SLC39A5: variants seen among roughly 807,000 people sequenced by gnomAD.
SLC39A5 encodes zinc transporter ZIP5.
Under a neutral mutation model 46.9 loss-of-function variants are expected in SLC39A5, and 42 were observed. The ratio of observed to expected loss-of-function variants is 0.90; its 90% CI spans 0.70 to 1.16. SLC39A5 has a LOEUF of 1.16. Ranked by LOEUF, SLC39A5 falls within the 50% of genes most tolerant of loss-of-function variation. The pLI is 0.00. For synonymous variants in SLC39A5, 311 were observed against 323.1 expected (o/e 0.96, Z 0.40); for missense variants, 677 against 686.8 (o/e 0.99, Z 0.16).
chr12:56,235,041 G>C, intron 6 of SLC39A5, 55 bp downstream of exon 6: 1 of 1,603,690 alleles, frequency 6.2e-7, no homozygotes, highest in Admixed American at 1.7e-5. Flanking sequence ...TGGGGCCCAT[G>C]CCAAAAAGGA....
chr12:56,235,881 A>G, intron 8 of SLC39A5, 181 bp downstream of exon 8: 1 of 715,126 alleles, frequency 1.4e-6, no homozygotes, highest in Admixed American at 2.9e-5. Flanking sequence ...TGTCTCTACT[A>G]AAAATACAAA....
chr12:56,236,036 C>T (rs1870726689), intron 8 of SLC39A5, among the ~76,000 whole-genome samples: 1 of 152,026 alleles, frequency 6.6e-6, no homozygotes, highest in South Asian at 2.1e-4. Flanking sequence ...AGCGAGACTC[C>T]ATCTCAAAAA....
rs1258412575 is a variant in SLC39A5, at chr12:56,234,861, T to C, written c.509T>C (p.Leu170Ser). 3.1e-6 allele frequency: 5 copies of C among 1,613,746 alleles called. No homozygotes were observed. In the East Asian group the frequency reaches 8.9e-5, roughly 29 times the overall value. ...NGSQLLVNFG[L>S]SPAAPLTPRQ... ...TCCCAGCTGCTGGTCAATTTTGGCT[T>C]GAGCCCCGCTGCTCCTCTGACCCCT... is the stretch of plus-strand genomic sequence containing the variant. Residue 170 changes from leucine to serine, a missense_variant, in exon 6 of 13, where the codon TTG becomes TCG. By Grantham distance (145) the Leu-to-Ser change is moderately radical (BLOSUM62 -2). Transcript: ENST00000454355.
In SLC39A5 at chr12:56,237,230, T is replaced by A. The variant is rs143219697; in HGVS notation, c.1369T>A (p.Leu457Met). ...LLSLVSGALG[L>M]GGAVLGVGLS... is the part of the protein sequence containing the mutation. Reference sequence around the variant, plus strand: ...GAGCCTCGTGTCTGGAGCCCTGGGATTGGGGGGTGCAGTCCTGGGGGTGGG... The same window carrying A: ...GAGCCTCGTGTCTGGAGCCCTGGGAATGGGGGGTGCAGTCCTGGGGGTGGG... The change falls in exon 12 of 13, where the codon TTG (leucine) becomes ATG (methionine). Residue 457 changes from leucine (L) to methionine (M), a missense_variant. Leu to Met is a conservative substitution (Grantham distance 15). Coordinates refer to ENST00000454355, the MANE Select transcript of SLC39A5 (RefSeq NM_173596.3). The A allele has an allele frequency of 6.2e-7, 1 of 1,613,664 alleles. No individual in the cohort carries two copies. Among genetic ancestry groups the A allele is most frequent in the Admixed American group, 1.7e-5 (1 of 59,990 alleles).
At position 56,237,020 on chromosome 12, in the gene SLC39A5, G is replaced by A. The variant is rs754485689; in HGVS notation, c.1288+9G>A. 4 of 1,613,942 alleles carry A rather than the reference G, an allele frequency of 2.5e-6. No individual in the cohort carries two copies. Among genetic ancestry groups the A allele is most frequent in the Admixed American group, 1.7e-5 (1 of 59,990 alleles). On this transcript the variant is annotated intron_variant, in intron 11 of 12. Coordinates refer to ENST00000454355, the MANE Select transcript of SLC39A5 (RefSeq NM_173596.3). ...GCTGCCCCACGAACTGGGTAGGAATGGCAGGAGCAGGGTGGGGTGGACTCC... is the reference window on the plus strand; with the variant it reads ...GCTGCCCCACGAACTGGGTAGGAATAGCAGGAGCAGGGTGGGGTGGACTCC...
chr12:56,231,645 C>T, intron 4 of SLC39A5, 84 bp downstream of exon 4: 1 of 1,395,718 alleles, frequency 7.2e-7, no homozygotes, highest in Non-Finnish European at 9.6e-7. Context: ...TTCTGGCTTC[C>T]TCACGAGATC....
Position 56,236,733 on chromosome 12 carries a change from T to A in SLC39A5, c.1194T>A (p.Asp398Glu). 1 of 1,602,424 alleles carries A rather than the reference T, an allele frequency of 6.2e-7. No homozygotes were observed. Among genetic ancestry groups the A allele is most frequent in the African/African-American group, 1.3e-5 (1 of 74,806 alleles). The change falls in exon 10 of 13, where the codon GAT becomes GAA. Residue 398 changes from aspartate to glutamate, a missense_variant. By Grantham distance (45) the Asp-to-Glu change is conservative. Coordinates refer to ENST00000454355, the MANE Select transcript of SLC39A5 (RefSeq NM_173596.3). ...GAGATGGTCTACACAACCTCACTGA[T>A]GGGCTGGCCATAGGTGTGAGGGGTG... ...LLGDGLHNLT[D>E]GLAIGAAFSD...
At chr12:56,234,730 G>T in intron 5 of SLC39A5, 94 bp from the exon 6 acceptor site, 1 of 1,407,560 alleles carries the variant, frequency 7.1e-7, no homozygotes, top group Non-Finnish European at 9.9e-7. Context: ...CAAGGGCTGG[G>T]ATTATAGGTG....
At chr12:56,231,146 C>T in intron 3 of SLC39A5, 58 bp from the exon 4 acceptor site, 1 of 1,053,132 alleles carries the variant, frequency 9.5e-7, no homozygotes. Flanking sequence ...CTCTGGCTCC[C>T]CCATGGACCT....
rs994144238 is a variant in SLC39A5 at position 56,236,511 on chromosome 12, T to C, written c.1042+19T>C. 4 of 1,614,052 alleles carry C rather than the reference T, an allele frequency of 2.5e-6. No individual in the cohort carries two copies. The African/African-American group carries it at 4.0e-5, about 16-fold the overall frequency. ...GCTCCAGGTGACTAGAGGAGAAAAT[T>C]TGAAGAGTAGGTTCCAAGCTCACAG... On this transcript the variant is annotated intron_variant, in intron 9 of 12. Coordinates refer to ENST00000454355, the MANE Select transcript of SLC39A5 (RefSeq NM_173596.3).
At position 56,237,753 on chromosome 12, in the gene SLC39A5, G is replaced by A. The variant is rs1051278495; in HGVS notation, c.*22G>A. ...CTGATGGGGCCAGTGGAAAGGGGTCGGGTTGCCCTTCCTTCCCCCCAACCA... is the reference window on the plus strand; with the variant it reads ...CTGATGGGGCCAGTGGAAAGGGGTCAGGTTGCCCTTCCTTCCCCCCAACCA... On this transcript the variant is annotated 3_prime_UTR_variant, in exon 13 of 13. Coordinates refer to ENST00000454355, the MANE Select transcript of SLC39A5 (RefSeq NM_173596.3). 1.9e-5 allele frequency: 28 copies of A among 1,511,996 alleles called. No individual in the cohort carries two copies. The highest frequency in any genetic ancestry group is 4.0e-5 in the South Asian group (3 of 75,432). The allele number at this position is 1,511,996 out of a possible 1,614,324, so 93.7% of individuals were successfully genotyped here.
Position 56,235,545 on chromosome 12 carries a change from C to A in SLC39A5, c.805-15C>A, listed in dbSNP as rs1565601016. ...TAGGGGCTTCCAGAGTCTGCCCTGA[C>A]CTTCTCTCTGTCAGGCACAAGAAGG... On this transcript the variant is annotated splice_polypyrimidine_tract_variant and intron_variant, in intron 7 of 12. Transcript: ENST00000454355. The A allele has an allele frequency of 1.2e-6, 2 of 1,612,666 alleles. No homozygotes were observed. Among genetic ancestry groups the A allele is most frequent in the African/African-American group, 1.3e-5 (1 of 74,862 alleles).
intron 5 of SLC39A5, 70 bp downstream of exon 5, chr12:56,232,942 T>A: frequency 6.7e-7 from 1 of 1,481,868 alleles, no homozygotes; most frequent in Non-Finnish European, 9.1e-7. Flanking sequence ...AAATAATCAG[T>A]AGTTTTTTGT....
intron 8 of SLC39A5, 124 bp downstream of exon 8, chr12:56,235,824 C>T (rs1406424909): frequency 7.6e-7 from 1 of 1,313,728 alleles, no homozygotes; most frequent in Non-Finnish European, 1.1e-6. Context: ...GCGGGCAGAT[C>T]ACAAGGTTAG....
chr12:56,236,627 C>T lies in SLC39A5; in HGVS notation c.1088C>T (p.Pro363Leu), dbSNP rs2135863136. 3 of 1,613,626 alleles carry T rather than the reference C, an allele frequency of 1.9e-6. No homozygotes were observed. Among genetic ancestry groups the T allele is most frequent in the South Asian group, 1.1e-5 (1 of 91,054 alleles). Residue 363 changes from proline to leucine, a missense_variant, in exon 10 of 13, where the codon CCA (proline) becomes CTA (leucine). Physicochemically the swap from Pro to Leu is moderately conservative, Grantham distance 98. Coordinates refer to ENST00000454355, the MANE Select transcript of SLC39A5 (RefSeq NM_173596.3). ...GQREKNSQHP[P>L]ALAPPGHQGH... ...AGGGAGAAGAACAGCCAGCACCCAC[C>T]AGCTCTGGCCCCTCCTGGGCACCAA... is the stretch of plus-strand genomic sequence containing the variant.
At position 56,235,235 on chromosome 12, in the gene SLC39A5, G is replaced by T; in HGVS notation, c.713G>T (p.Gly238Val). 6.3e-7 allele frequency: 1 copy of T among 1,585,866 alleles called. No individual in the cohort carries two copies. ...TCCCTGCTGCTGCTGCGGCTCCTGG[G>T]ACCTCGTCTACTACGGCCCTTGCTG... Reference protein sequence around the residue: ...PLSLLLLRLLGPRLLRPLLGF... With the variant: ...PLSLLLLRLLVPRLLRPLLGF... The change falls in exon 7 of 13, where the codon GGA becomes GTA. Residue 238 changes from glycine to valine, a missense_variant. By Grantham distance (109) the Gly-to-Val change is moderately radical. Transcript: ENST00000454355.
chr12:56,235,129 C>T (rs1870608224), intron 6 of SLC39A5, 28 bp from the exon 7 acceptor site: 1 of 1,546,058 alleles, frequency 6.5e-7, no homozygotes, highest in South Asian at 1.3e-5. Context: ...CTTGCCCTGA[C>T]CTAACTTCAG....
In SLC39A5 at chr12:56,232,891, A is replaced by G. The variant is rs781230776; in HGVS notation, c.471+19A>G. The stretch of plus-strand genomic sequence containing the variant: ...TGAGGATGTGAGTCTGACGGTCTCT[A>G]GAGGGGAAGGAGCCATGGGATTAGA... On this transcript the variant is annotated intron_variant, in intron 5 of 12. Coordinates refer to ENST00000454355, the MANE Select transcript of SLC39A5 (RefSeq NM_173596.3). 23 of 1,597,666 alleles carry G rather than the reference A, an allele frequency of 1.4e-5. No homozygotes were observed. Among genetic ancestry groups the G allele is most frequent in the Non-Finnish European group, 2.0e-5 (23 of 1,173,946 alleles).
chr12:56,231,084 A>T lies in SLC39A5; in HGVS notation c.-71-120A>T, dbSNP rs1465137584. On this transcript the variant is annotated intron_variant, in intron 3 of 12. Coordinates refer to ENST00000454355, the MANE Select transcript of SLC39A5 (RefSeq NM_173596.3). ...CAGGAGGCAGTGTGAAGGGAGAAAG[A>T]AGGCTGCAGTAGGGGCTGCTGCTGG... 3 of 572,812 alleles carry T rather than the reference A, an allele frequency of 5.2e-6. No individual in the cohort carries two copies. In the East Asian group the frequency reaches 9.0e-5, roughly 17 times the overall value. The allele number at this position is 572,812 out of a possible 1,614,324, so 35.5% of individuals were successfully genotyped here.
Sources: allele counts gnomAD v4.1 joint callset (sites outside exome capture counted in the v4.1 genomes callset), GRCh38; gene constraint gnomAD v4.1.1; transcripts MANE v1.5; gene names NCBI Gene and HGNC (gene_info 2026-07-23, HGNC 2026-07-21).